Variants in TPM1 observed in about 807,000 individuals in gnomAD.
The protein encoded by TPM1 is tropomyosin alpha-1 chain.
Under a neutral mutation model 42.9 loss-of-function variants are expected in TPM1, and 24 were observed. That is an observed-to-expected ratio of 0.56 (90% CI 0.41 to 0.79). TPM1 has a LOEUF of 0.79. Ranked by LOEUF, TPM1 falls within the 30% of genes least tolerant of loss-of-function variation. The pLI is 0.00. For synonymous variants in TPM1, 136 were observed against 130.1 expected (o/e 1.05, Z -0.31); for missense variants, 158 against 351.8 (o/e 0.45, Z 4.41).
At chr15:63,048,102 G>GA in intron 2 of TPM1, 2 of 407,334 alleles carry the variant, frequency 4.9e-6, no homozygotes, top group Non-Finnish European at 9.7e-6. Flanking sequence ...CCGGGCATGG[G>GA]AATCTGGACT....
At chr15:63,063,271 A>G (rs2035894577) in intron 8 of TPM1, 5 of 985,302 alleles carry the variant, frequency 5.1e-6, no homozygotes, top group South Asian at 4.7e-5. Context: ...AAAGACAAAT[A>G]TCTACATCAC....
chr15:63,066,002 C>G lies in TPM1; in HGVS notation c.*103C>G. 2 of 1,562,262 alleles carry G rather than the reference C, an allele frequency of 1.3e-6. No homozygotes were observed. The highest frequency in any genetic ancestry group is 1.2e-5 in the South Asian group (1 of 85,200). ...TCTCCAGCTGACCCTGGTTCTCTCT[C>G]TTAGCATCCTGCCTTAGAGCCAGGC... On this transcript the variant is annotated 3_prime_UTR_variant, in exon 10 of 10. Coordinates refer to ENST00000403994, the MANE Select transcript of TPM1 (RefSeq NM_001018005.2).
At chr15:63,060,804 C>G in intron 4 of TPM1, 65 bp from the exon 5 acceptor site, 2 of 1,568,950 alleles carry the variant, frequency 1.3e-6, no homozygotes, top group Non-Finnish European at 8.8e-7. Flanking sequence ...TCTCTACCCC[C>G]ATGCCCTTCT....
intron 9 of TPM1, chr15:63,065,193 G>A: frequency 1.0e-6 from 1 of 985,488 alleles, no homozygotes; most frequent in Non-Finnish European, 1.2e-6. Context: ...TTGTTATCAT[G>A]AGAAGAACCT....
At chr15:63,046,367 AG>A (rs1237234933) in intron 2 of TPM1, 2 of 152,264 alleles carry the variant, frequency 1.3e-5, no homozygotes, top group African/African-American at 4.8e-5. Context: ...CACTAGAAAA[AG>A]GGAGAAGTCC....
downstream of TPM1, among the ~76,000 whole-genome samples, chr15:63,066,683 A>G (rs1052399476): frequency 2.6e-5 from 4 of 152,228 alleles, no homozygotes; most frequent in African/African-American, 9.6e-5. Flanking sequence ...AGAAAAGTTC[A>G]AGCTTTTTTG....
At chr15:63,067,658 A>T (rs2036354164), downstream of TPM1, among the ~76,000 whole-genome samples, 1 of 152,214 alleles carries the variant, frequency 6.6e-6, no homozygotes, top group African/African-American at 2.4e-5. Flanking sequence ...AGCCCAAGGT[A>T]TGCATGTGCA....
chr15:63,062,876 T>G (rs544415066), intron 8 of TPM1: 2 of 1,513,208 alleles, frequency 1.3e-6, no homozygotes, highest in South Asian at 2.5e-5. Flanking sequence ...CCATCCAGCT[T>G]GACTTCATGC....
chr15:63,049,019 T>C (rs2140747283), intron 2 of TPM1: 1 of 379,906 alleles, frequency 2.6e-6, no homozygotes, highest in South Asian at 2.4e-5. Context: ...TTCAGTCGTG[T>C]CTGTGCGTCC....
intron 1 of TPM1, 43 bp from the exon 2 acceptor site, chr15:63,043,984 G>C (rs1474861240): frequency 1.2e-6 from 2 of 1,601,802 alleles, no homozygotes; most frequent in Non-Finnish European, 1.7e-6. Context: ...CACGCTGCCT[G>C]CTGCACCCCC....
downstream of TPM1, chr15:63,070,841 C>T: frequency 7.7e-7 from 1 of 1,291,516 alleles, no homozygotes; most frequent in East Asian, 3.7e-5. Flanking sequence ...GCATTTTATC[C>T]TCAGTGAATT....
At chr15:63,051,589 C>G (rs1336365694) in intron 2 of TPM1, among the ~76,000 whole-genome samples, 1 of 151,818 alleles carries the variant, frequency 6.6e-6, no homozygotes, top group Non-Finnish European at 1.5e-5. Flanking sequence ...TTTAGCTTGG[C>G]TGTGGTCACT....
At position 63,060,898 on chromosome 15, in the gene TPM1, C is replaced by A. The variant is rs200173919; in HGVS notation, c.522C>A (p.Ser174Arg). 1.2e-6 allele frequency: 2 copies of A among 1,614,008 alleles called. No homozygotes were observed. Among genetic ancestry groups the A allele is most frequent in the African/African-American group, 1.3e-5 (1 of 74,896 alleles). The change falls in exon 5 of 10, where the codon AGC (serine) becomes AGA (arginine). Residue 174 changes from serine (S) to arginine (R), a missense_variant. Coordinates refer to ENST00000403994, the MANE Select transcript of TPM1 (RefSeq NM_001018005.2). ...CCCGTAAGCTGGTCATCATTGAGAGCGACCTGGAACGTGCAGAGGAGCGGG... is the reference window on the plus strand; with the variant it reads ...CCCGTAAGCTGGTCATCATTGAGAGAGACCTGGAACGTGCAGAGGAGCGGG... Reference protein sequence around the residue: ...EVARKLVIIESDLERAEERAE... With the variant: ...EVARKLVIIERDLERAEERAE...
chr15:63,071,189 G>A (rs150216725), exon 9 of TPM1: 9 of 1,501,550 alleles, frequency 6.0e-6, no homozygotes, highest in East Asian at 4.7e-5. Context: ...CCTTAGCTGC[G>A]ACCACATTCT....
At chr15:63,065,024 A>G (rs2036126456) in intron 9 of TPM1, 7 of 985,298 alleles carry the variant, frequency 7.1e-6, no homozygotes, top group Non-Finnish European at 2.4e-6. Context: ...CAAGCCTTTA[A>G]TTTTGTGTTT....
chr15:63,069,850 C>T, downstream of TPM1: 3 of 1,613,946 alleles, frequency 1.9e-6, no homozygotes, highest in Middle Eastern at 1.6e-4. Flanking sequence ...TTCTGCTAAC[C>T]TGCTTGCTGA....
chr15:63,048,577 T>C (rs1223669239), intron 2 of TPM1: 1 of 1,527,058 alleles, frequency 6.5e-7, no homozygotes, highest in Admixed American at 2.0e-5. Flanking sequence ...TCCGGCGCGA[T>C]GGCGGGGAGT....
chr15:63,043,929 C>T (rs1274840981), intron 1 of TPM1, 98 bp from the exon 2 acceptor site: 4 of 1,557,618 alleles, frequency 2.6e-6, no homozygotes, highest in Non-Finnish European at 3.5e-6. Context: ...TCCCGCTGTC[C>T]CTGTCCTTCT....
At position 63,066,053 on chromosome 15, in the gene TPM1, A is replaced by G; in HGVS notation, c.*154A>G. 1 of 1,539,874 alleles carries G rather than the reference A, an allele frequency of 6.5e-7. No homozygotes were observed. Among genetic ancestry groups the G allele is most frequent in the Non-Finnish European group, 8.7e-7 (1 of 1,146,104 alleles). On this transcript the variant is annotated 3_prime_UTR_variant, in exon 10 of 10. Transcript: ENST00000403994. The stretch of plus-strand genomic sequence containing the variant: ...ACACACTGTGCTTTCTATTGTACAG[A>G]AGCTCTTCGTTTCAGTGTCAAATAA...
Sources: allele counts gnomAD v4.1 joint callset (sites outside exome capture counted in the v4.1 genomes callset), GRCh38; gene constraint gnomAD v4.1.1; transcripts MANE v1.5; gene names NCBI Gene and HGNC (gene_info 2026-07-23, HGNC 2026-07-21).